The following KLRC2 variants were observed in gnomAD, a reference collection of about 807,000 sequenced individuals.
KLRC2 encodes NKG2-C type II integral membrane protein.
In KLRC2, 10 loss-of-function variants were observed where a neutral mutation model predicts 25.5. The ratio of observed to expected loss-of-function variants is 0.39; its 90% CI spans 0.24 to 0.67. The LOEUF (loss-of-function observed/expected upper bound fraction) is 0.67, where lower values mean the gene tolerates loss of function less well. Among genes scored for constraint, KLRC2 ranks in the 30% least tolerant of loss-of-function variants. The pLI is 0.45. For missense variants in KLRC2, 170 were observed against 272.8 expected, an observed-to-expected ratio of 0.62 and a Z score of 2.65; for synonymous variants, 48 against 93.3, an observed-to-expected ratio of 0.51 and a Z score of 2.80.
At position 10,431,987 on chromosome 12, in the gene KLRC2, T is replaced by G. The variant is rs1389911912; in HGVS notation, c.584+119A>C. 9 of 904,520 alleles carry G rather than the reference T, an allele frequency of 1.0e-5. 1 individual carries two copies. Among genetic ancestry groups the G allele is most frequent in the Non-Finnish European group, 1.3e-5 (8 of 626,950 alleles). 56.0% of individuals were successfully genotyped at this position (904,520 alleles called of 1,614,324 possible). A position where few individuals can be genotyped will look rare whatever the true frequency, so the allele number is the denominator to read the frequency against. Reference sequence around the variant, plus strand: ...TATTGTAAAATATTTATATCAACATTTCACTAACTTTCCACATCTTTCTTC... The same window carrying G: ...TATTGTAAAATATTTATATCAACATGTCACTAACTTTCCACATCTTTCTTC... On this transcript the variant is annotated intron_variant, in intron 5 of 5. Coordinates refer to ENST00000381902, the MANE Select transcript of KLRC2 (RefSeq NM_002260.4).
At position 10,431,110 on chromosome 12, in the gene KLRC2, T is replaced by C; in HGVS notation, c.*7A>G. On this transcript the variant is annotated 3_prime_UTR_variant, in exon 6 of 6. Transcript: ENST00000381902. ...TCTGATGCACTGCAAACGCAAATGC[T>C]TTACTTCTAAAGCTTATGCTTACAA... The C allele has an allele frequency of 1.3e-6, 2 of 1,487,144 alleles. 1 individual carries two copies. The highest frequency in any genetic ancestry group is 2.3e-5 in the South Asian group (2 of 86,544). 92.1% of individuals were successfully genotyped at this position (1,487,144 alleles called of 1,614,324 possible).
At chr12:10,431,553 A>G (rs2981591) in intron 5 of KLRC2, among the ~76,000 whole-genome samples, 96,198 of 140,050 alleles carry the variant, frequency 0.69, 39,752 homozygotes, top group Non-Finnish European at 0.84. Flanking sequence ...ACAATAACTA[A>G]TAATAAAAAA....
chr12:10,433,532 G>A lies in KLRC2; in HGVS notation c.483+259C>T, dbSNP rs868578517. 1.4e-5 allele frequency among the ~76,000 whole-genome samples: 2 copies of A among 141,428 alleles called. 1 individual carries two copies. Among genetic ancestry groups the A allele is most frequent in the African/African-American group, 5.4e-5 (2 of 36,920 alleles). 92.8% of individuals were successfully genotyped at this position (141,428 alleles called of 152,430 possible). A position where few individuals can be genotyped will look rare whatever the true frequency, so the allele number is the denominator to read the frequency against. On this transcript the variant is annotated intron_variant, in intron 4 of 5. Transcript: ENST00000381902. ...TGCATGACCAGATGATATCATGCCC[G>A]ATAAAATTAGATAGCAAAATTTATT...
chr12:10,431,334 A>T, intron 5 of KLRC2, 106 bp from the exon 6 acceptor site: 1 of 1,362,638 alleles, frequency 7.3e-7, no homozygotes, highest in Non-Finnish European at 1.0e-6. Context: ...GAAAAGGGTA[A>T]TTAAATTTTT....
Position 10,431,142 on chromosome 12 carries a change from A to T in KLRC2, c.671T>A (p.Ile224Lys), listed in dbSNP as rs1380490211. The change falls in exon 6 of 6, where the codon ATA (isoleucine) becomes AAA (lysine). Residue 224 changes from isoleucine to lysine, a missense_variant. This residue lies in a region of KLRC2 where 129 missense variants were observed against 150.2 expected (regional missense o/e 0.86). Coordinates refer to ENST00000381902, the MANE Select transcript of KLRC2 (RefSeq NM_002260.4). ...CTAAAGCTTATGCTTACAATGATAT[A>T]TCATTGAAGATCCACACTGGGCTGA... is the stretch of plus-strand genomic sequence containing the variant. ...LKSAQCGSSM[I>K]YHCKHKL 6.5e-7 allele frequency: 1 copy of T among 1,540,864 alleles called. No individual in the cohort carries two copies. Among genetic ancestry groups the T allele is most frequent in the Admixed American group, 1.7e-5 (1 of 58,518 alleles).
intron 4 of KLRC2, 114 bp downstream of exon 4, chr12:10,433,677 T>C: frequency 8.9e-7 from 1 of 1,125,550 alleles, no homozygotes; most frequent in Non-Finnish European, 1.3e-6. Context: ...GAATATTACA[T>C]ACACTTGAAA....
rs1380490211 is a variant in KLRC2, at chr12:10,431,142, A to G, written c.671T>C (p.Ile224Thr). 1.3e-6 allele frequency: 2 copies of G among 1,540,864 alleles called. No individual in the cohort carries two copies. Among genetic ancestry groups the G allele is most frequent in the East Asian group, 2.4e-5 (1 of 41,998 alleles). ...CTAAAGCTTATGCTTACAATGATAT[A>G]TCATTGAAGATCCACACTGGGCTGA... ...LKSAQCGSSM[I>T]YHCKHKL The change falls in exon 6 of 6, where the codon ATA becomes ACA. Residue 224 changes from isoleucine to threonine, a missense_variant. Around this residue, in one of 3 missense-constraint regions of KLRC2, gnomAD observed 129 missense variants for 150.2 expected, o/e 0.86. Transcript: ENST00000381902.
chr12:10,434,550 A>C lies in KLRC2; in HGVS notation c.287-20T>G. The C allele has an allele frequency of 6.6e-7, 1 of 1,525,470 alleles. No homozygotes were observed. The highest frequency in any genetic ancestry group is 1.4e-5 in the African/African-American group (1 of 72,236). The allele number at this position is 1,525,470 out of a possible 1,614,324, so 94.5% of individuals were successfully genotyped here. On this transcript the variant is annotated intron_variant, in intron 2 of 5. Coordinates refer to ENST00000381902, the MANE Select transcript of KLRC2 (RefSeq NM_002260.4). Reference sequence around the variant, plus strand: ...CCAGGACTGTAATAGAAAAATTAAAATGATTTTTATAAAAACTGATATCTA... The same window carrying C: ...CCAGGACTGTAATAGAAAAATTAAACTGATTTTTATAAAAACTGATATCTA...
intron 3 of KLRC2, 77 bp from the exon 4 acceptor site, chr12:10,434,019 A>G (rs1263992390): frequency 6.7e-7 from 1 of 1,490,108 alleles, no homozygotes; most frequent in Admixed American, 1.9e-5. Flanking sequence ...TTTCAACAGT[A>G]TAAACATATA....
chr12:10,431,085 T>C lies in KLRC2; in HGVS notation c.*32A>G. The C allele has an allele frequency of 2.2e-6, 3 of 1,336,628 alleles. No individual in the cohort carries two copies. Among genetic ancestry groups the C allele is most frequent in the Non-Finnish European group, 3.1e-6 (3 of 954,862 alleles). The allele number at this position is 1,336,628 out of a possible 1,614,324, so 82.8% of individuals were successfully genotyped here. On this transcript the variant is annotated 3_prime_UTR_variant, in exon 6 of 6. Coordinates refer to ENST00000381902, the MANE Select transcript of KLRC2 (RefSeq NM_002260.4). ...TCTATTTTAAGAAATATAAAATGTA[T>C]CTGATGCACTGCAAACGCAAATGCT...
chr12:10,432,003 A>G, intron 5 of KLRC2, 103 bp downstream of exon 5: 1 of 1,003,292 alleles, frequency 1.0e-6, no homozygotes, highest in South Asian at 1.6e-5. Context: ...AACTTTCCAC[A>G]TCTTTCTTCA....
rs143264024 is a variant in KLRC2, at chr12:10,434,494, G to A, written c.323C>T (p.Thr108Met). 2.7e-5 allele frequency: 43 copies of A among 1,572,510 alleles called. No homozygotes were observed. The highest frequency in any genetic ancestry group is 1.9e-4 in the African/African-American group (14 of 73,820). Residue 108 changes from threonine to methionine, a missense_variant, in exon 3 of 6, where the codon ACG becomes ATG. This residue lies in a region of KLRC2 where 129 missense variants were observed against 150.2 expected (regional missense o/e 0.86). Transcript: ENST00000381902. ...TGAAAATAAAAATGTACCTTTCTGC[G>A]TTCTTGTATTCGGGGAAAAATTGTT... ...EQNNFSPNTR[T>M]QKARHCGHCP...
At chr12:10,433,670 T>A in intron 4 of KLRC2, 121 bp downstream of exon 4, 1 of 1,071,910 alleles carries the variant, frequency 9.3e-7, no homozygotes, top group Non-Finnish European at 1.3e-6. Context: ...ATCAATTGAA[T>A]ATTACATACA....
Position 10,433,810 on chromosome 12 carries a change from A to G in KLRC2, c.464T>C (p.Ile155Thr), listed in dbSNP as rs371858036. The G allele has an allele frequency of 7.1e-6, 11 of 1,549,636 alleles. 2 individuals are homozygous for G. The highest frequency in any genetic ancestry group is 2.9e-5 in the African/African-American group (2 of 68,306). The change falls in exon 4 of 6, where the codon ATA becomes ACA. Residue 155 changes from isoleucine (I) to threonine (T), a missense_variant. This residue lies in a region of KLRC2 where 129 missense variants were observed against 150.2 expected (regional missense o/e 0.86). Transcript: ENST00000381902. The stretch of plus-strand genomic sequence containing the variant: ...TCTTACCATTTCTTCTTCATTATCT[A>G]TAGAAAGCAGACTGGAGTTCTTCGA... ...CTSKNSSLLS[I>T]DNEEEMKFLA...
rs1349969088 is a variant in KLRC2 at position 10,432,157 on chromosome 12, T to C, written c.533A>G (p.Asn178Ser). 2 of 1,527,506 alleles carry C rather than the reference T, an allele frequency of 1.3e-6. No homozygotes were observed. Among genetic ancestry groups the C allele is most frequent in the Non-Finnish European group, 1.8e-6 (2 of 1,123,562 alleles). The allele number at this position is 1,527,506 out of a possible 1,614,324, so 94.6% of individuals were successfully genotyped here. The change falls in exon 5 of 6, where the codon AAC (asparagine) becomes AGC (serine). Residue 178 changes from asparagine (N) to serine (S), a missense_variant. Coordinates refer to ENST00000381902, the MANE Select transcript of KLRC2 (RefSeq NM_002260.4). ...LPSSWIGVFR[N>S]SSHHPWVTIN... ...TGTCACCCATGGATGATGACTGCTG[T>C]TACGAAACACACCAATCCATGAGGA...
Position 10,432,253 on chromosome 12 carries a change from A to G in KLRC2, c.484-47T>C, listed in dbSNP as rs752749425. 77 of 1,169,712 alleles carry G rather than the reference A, an allele frequency of 6.6e-5. 9 individuals are homozygous for G. The highest frequency in any genetic ancestry group is 8.8e-5 in the Non-Finnish European group (76 of 861,246). 72.5% of individuals were successfully genotyped at this position (1,169,712 alleles called of 1,614,324 possible). On this transcript the variant is annotated intron_variant, in intron 4 of 5. Coordinates refer to ENST00000381902, the MANE Select transcript of KLRC2 (RefSeq NM_002260.4). Reference sequence around the variant, plus strand: ...TCACTTAAATAATAATTATGAAAACATTACAAAAACAATATATTAAAGTTG... The same window carrying G: ...TCACTTAAATAATAATTATGAAAACGTTACAAAAACAATATATTAAAGTTG...
At chr12:10,432,440 C>T (rs1377514915) in intron 4 of KLRC2, among the ~76,000 whole-genome samples, 3 of 99,734 alleles carry the variant, frequency 3.0e-5, no homozygotes, top group Admixed American at 2.1e-4. Flanking sequence ...ACAGAATAAA[C>T]GCAGGAAGGG....
chr12:10,434,133 CTAAT>C, intron 3 of KLRC2, 191 bp from the exon 4 acceptor site: 3 of 973,212 alleles, frequency 3.1e-6, no homozygotes, highest in Admixed American at 2.3e-5. Context: ...CCTCTCCTCC[CTAAT>C]TGTGTTCCCA....
At position 10,435,624 on chromosome 12, in the gene KLRC2, T is replaced by C. The variant is rs542375243; in HGVS notation, c.187+176A>G. On this transcript the variant is annotated intron_variant, in intron 1 of 5. Transcript: ENST00000381902. ...AATGTTCCATGAGTGGACCGCAGAT[T>C]ACAGTTGAACAATGCCCGAATAAAA... Among the ~76,000 whole-genome samples the C allele has an allele frequency of 3.5e-5, 5 of 142,040 alleles. 1 individual carries two copies. The highest frequency in any genetic ancestry group is 3.5e-3 in the Middle Eastern group (1 of 282). The allele number at this position is 142,040 out of a possible 152,430, so 93.2% of individuals were successfully genotyped here. A position where few individuals can be genotyped will look rare whatever the true frequency, so the allele number is the denominator to read the frequency against.
Sources: allele counts gnomAD v4.1 joint callset (sites outside exome capture counted in the v4.1 genomes callset), GRCh38; gene constraint gnomAD v4.1.1; regional missense constraint gnomAD v4.1.1; transcripts MANE v1.5; gene names NCBI Gene and HGNC (gene_info 2026-07-23, HGNC 2026-07-21).